RIT1: variants seen among roughly 807,000 people sequenced by gnomAD.
The protein encoded by RIT1 is GTP-binding protein Rit1.
Under a neutral mutation model 25.6 loss-of-function variants are expected in RIT1, and 6 were observed. The observed-to-expected ratio is 0.23, with a 90% CI of 0.13 to 0.46. The LOEUF is 0.46. RIT1 is among the 20% of genes least tolerant of loss of function. The pLI is 0.99. For synonymous variants in RIT1, 81 were observed against 94.1 expected (o/e 0.86, Z 0.80); for missense variants, 219 against 284.4 (o/e 0.77, Z 1.65).
intron 3 of RIT1, among the ~76,000 whole-genome samples, chr1:155,907,400 G>A (rs913654913): frequency 1.3e-5 from 2 of 151,924 alleles, no homozygotes; most frequent in Admixed American, 6.6e-5. Flanking sequence ...GCAGTAACAC[G>A]CCCAGCTAAT....
intron 5 of RIT1, among the ~76,000 whole-genome samples, chr1:155,902,653 C>G (rs902871485): frequency 6.7e-6 from 1 of 150,206 alleles, no homozygotes; most frequent in African/African-American, 2.5e-5. Context: ...ACCAGCCCGG[C>G]CAACATGGTG....
intron 4 of RIT1, 84 bp from the exon 5 acceptor site, chr1:155,904,586 A>G: frequency 7.4e-7 from 1 of 1,350,450 alleles, no homozygotes; most frequent in Non-Finnish European, 1.0e-6. Flanking sequence ...AGATTAAAGA[A>G]AACGCATGTC....
intron 3 of RIT1, among the ~76,000 whole-genome samples, chr1:155,907,813 G>A (rs549679324): frequency 4.6e-5 from 7 of 152,342 alleles, no homozygotes; most frequent in African/African-American, 7.2e-5. Flanking sequence ...TAACTTGGCC[G>A]GATGCGGTGG....
chr1:155,900,265 C>A lies in RIT1; in HGVS notation c.*123G>T. 1.4e-6 allele frequency: 1 copy of A among 700,240 alleles called. No individual in the cohort carries two copies. The highest frequency in any genetic ancestry group is 2.5e-6 in the Non-Finnish European group (1 of 402,314). 43.4% of individuals were successfully genotyped at this position (700,240 alleles called of 1,614,324 possible). A position where few individuals can be genotyped will look rare whatever the true frequency, so the allele number is the denominator to read the frequency against. ...TTTAAATACCACATCATTAAAAACTCCTAGTAGGCATGTCCCTCTTATCAG... is the reference window on the plus strand; with the variant it reads ...TTTAAATACCACATCATTAAAAACTACTAGTAGGCATGTCCCTCTTATCAG... On this transcript the variant is annotated 3_prime_UTR_variant, in exon 6 of 6. Coordinates refer to ENST00000368323, the MANE Select transcript of RIT1 (RefSeq NM_006912.6).
chr1:155,898,783 A>T lies in RIT1; in HGVS notation c.*1605T>A. 5.2e-6 allele frequency: 1 copy of T among 191,596 alleles called. No homozygotes were observed. The highest frequency in any genetic ancestry group is 1.1e-5 in the Non-Finnish European group (1 of 91,398). The allele number at this position is 191,596 out of a possible 1,614,324, so 11.9% of individuals were successfully genotyped here. ...GGCTGAGTACCATAAAACATGATTT[A>T]TTTGGTAACAAAAATGTTTCCAGGA... is the stretch of plus-strand genomic sequence containing the variant. On this transcript the variant is annotated 3_prime_UTR_variant, in exon 6 of 6. Transcript: ENST00000368323.
rs1036509076 is a variant in RIT1, at chr1:155,898,802, T to C, written c.*1586A>G. On this transcript the variant is annotated 3_prime_UTR_variant, in exon 6 of 6. Coordinates refer to ENST00000368323, the MANE Select transcript of RIT1 (RefSeq NM_006912.6). Reference sequence around the variant, plus strand: ...TGATTTATTTGGTAACAAAAATGTTTCCAGGAGTTTAAAAAGGGACCACTA... The same window carrying C: ...TGATTTATTTGGTAACAAAAATGTTCCCAGGAGTTTAAAAAGGGACCACTA... 5.2e-6 allele frequency: 1 copy of C among 191,426 alleles called. No homozygotes were observed. Among genetic ancestry groups the C allele is most frequent in the African/African-American group, 2.3e-5 (1 of 42,926 alleles). The allele number at this position is 191,426 out of a possible 1,614,324, so 11.9% of individuals were successfully genotyped here. A position where few individuals can be genotyped will look rare whatever the true frequency, so the allele number is the denominator to read the frequency against.
intron 5 of RIT1, among the ~76,000 whole-genome samples, chr1:155,902,010 A>T (rs1291253601): frequency 3.3e-5 from 5 of 152,180 alleles, no homozygotes; most frequent in African/African-American, 1.2e-4. Context: ...CGGGATTGCA[A>T]ATCTAATTGG....
At position 155,900,092 on chromosome 1, in the gene RIT1, T is replaced by C; in HGVS notation, c.*296A>G. ...TGAACTTAGTCAAACACACATGGTA[T>C]ACATATTCTCCTGGGTATAAACAAA... On this transcript the variant is annotated 3_prime_UTR_variant, in exon 6 of 6. Transcript: ENST00000368323. 2.6e-6 allele frequency: 1 copy of C among 384,502 alleles called. No individual in the cohort carries two copies. Among genetic ancestry groups the C allele is most frequent in the Non-Finnish European group, 4.7e-6 (1 of 211,246 alleles). 23.8% of individuals were successfully genotyped at this position (384,502 alleles called of 1,614,324 possible).
rs865827171 is a variant in RIT1, at chr1:155,898,135, A to T, written c.*2253T>A. The T allele has an allele frequency of 6.6e-6, 1 of 152,330 alleles. No individual in the cohort carries two copies. Among genetic ancestry groups the T allele is most frequent in the South Asian group, 2.1e-4 (1 of 4,828 alleles). The allele number at this position is 152,330 out of a possible 1,614,324, so 9.4% of individuals were successfully genotyped here. A position where few individuals can be genotyped will look rare whatever the true frequency, so the allele number is the denominator to read the frequency against. On this transcript the variant is annotated 3_prime_UTR_variant, in exon 6 of 6. Coordinates refer to ENST00000368323, the MANE Select transcript of RIT1 (RefSeq NM_006912.6). ...GCTGATTACTTAGAGCTTATAAATTAGCTACACTTTATGACACTAAGAATA... is the reference window on the plus strand; with the variant it reads ...GCTGATTACTTAGAGCTTATAAATTTGCTACACTTTATGACACTAAGAATA...
chr1:155,911,038 A>G lies in RIT1; in HGVS notation c.-44+205T>C, dbSNP rs916458583. 3 of 924,086 alleles carry G rather than the reference A, an allele frequency of 3.2e-6. No homozygotes were observed. In the Admixed American group the frequency reaches 7.8e-5, roughly 24 times the overall value. The allele number at this position is 924,086 out of a possible 1,614,324, so 57.2% of individuals were successfully genotyped here. On this transcript the variant is annotated intron_variant, in intron 1 of 5. Transcript: ENST00000368323. ...CACAGGTTTTACTTTTTCCAAAGAG[A>G]AAAATAAAAAGATACAAATAAATTT...
rs1673277608 is a variant in RIT1 at position 155,899,941 on chromosome 1, CATG to C, written c.*444_*446del. On this transcript the variant is annotated 3_prime_UTR_variant, in exon 6 of 6. Coordinates refer to ENST00000368323, the MANE Select transcript of RIT1 (RefSeq NM_006912.6). ...GATCTCATTAGCCCCAATTTCCCTA[CATG>C]ATTTTTGTTCTGTCTCTAGGAAGCA... 1.3e-5 allele frequency: 3 copies of C among 223,568 alleles called. No individual in the cohort carries two copies. The highest frequency in any genetic ancestry group is 5.3e-5 in the Admixed American group (1 of 19,034). 13.8% of individuals were successfully genotyped at this position (223,568 alleles called of 1,614,324 possible).
chr1:155,904,615 G>A (rs1673395722), intron 4 of RIT1, 113 bp from the exon 5 acceptor site: 1 of 1,209,878 alleles, frequency 8.3e-7, no homozygotes, highest in East Asian at 2.4e-5. Flanking sequence ...GCTATCCTGA[G>A]TCAGAGTGCA....
rs762690705 is a variant in RIT1 at position 155,900,383 on chromosome 1, TC to T, written c.*4del. The T allele has an allele frequency of 1.9e-6, 3 of 1,607,264 alleles. No homozygotes were observed. The highest frequency in any genetic ancestry group is 1.7e-6 in the Non-Finnish European group (2 of 1,174,034). ...GTTCACAGATAAACACTTCACATCTTCTCTTCAAGTTACTGAATCTTTCTTC... is the reference window on the plus strand; with the variant it reads ...GTTCACAGATAAACACTTCACATCTTTCTTCAAGTTACTGAATCTTTCTTC... On this transcript the variant is annotated 3_prime_UTR_variant, in exon 6 of 6. Transcript: ENST00000368323.
intron 3 of RIT1, among the ~76,000 whole-genome samples, chr1:155,908,855 G>A (rs996408851): frequency 6.6e-6 from 1 of 151,784 alleles, no homozygotes; most frequent in Admixed American, 6.6e-5. Context: ...GAGCCACCGC[G>A]CCTGGCCTGA....
intron 4 of RIT1, 83 bp from the exon 5 acceptor site, chr1:155,904,585 A>G (rs1310542157): frequency 7.4e-7 from 1 of 1,351,426 alleles, no homozygotes; most frequent in East Asian, 2.3e-5. Context: ...CAGATTAAAG[A>G]AAACGCATGT....
chr1:155,906,785 GAA>G (rs1158024516), intron 3 of RIT1, among the ~76,000 whole-genome samples: 13 of 130,868 alleles, frequency 9.9e-5, no homozygotes, highest in South Asian at 7.3e-4. Context: ...AAAAAAAAAA[GAA>G]AAAAAGAAAA....
At chr1:155,908,088 TAA>T (rs572558276) in intron 3 of RIT1, among the ~76,000 whole-genome samples, 1 of 122,096 alleles carries the variant, frequency 8.2e-6, no homozygotes, top group Non-Finnish European at 1.7e-5. Flanking sequence ...AGACTCCATC[TAA>T]AAAAAAAAAA....
rs774818471 is a variant in RIT1, at chr1:155,904,476, C to T, written c.264G>A (p.Gln88=). 3.7e-6 allele frequency: 6 copies of T among 1,613,906 alleles called. No individual in the cohort carries two copies. Among genetic ancestry groups the T allele is most frequent in the South Asian group, 2.2e-5 (2 of 91,078 alleles). The stretch of plus-strand genomic sequence containing the variant: ...TAAACCCTTCTCCTGCCCTCATATA[C>T]TGGTCCCGCATGGCTGTAAACTCTG... ...GQAEFTAMRD[Q]YMRAGEGFII... The change falls in exon 5 of 6, where the codon CAG becomes CAA. Residue 88 remains glutamine (Q), a synonymous_variant. Transcript: ENST00000368323.
chr1:155,907,279 G>T (rs577709122), intron 3 of RIT1, among the ~76,000 whole-genome samples: 7 of 144,270 alleles, frequency 4.9e-5, no homozygotes, highest in Admixed American at 2.2e-4. Context: ...TCACTCTGTC[G>T]CTCAGGGCGG....
Sources: gnomAD v4.1 joint callset for allele counts (sites outside exome capture counted in the v4.1 genomes callset) on GRCh38, gnomAD v4.1.1 for gene constraint, MANE v1.5 for transcripts, NCBI Gene and HGNC (gene_info 2026-07-23, HGNC 2026-07-21) for gene names.